Variants in ZFHX3 observed in about 807,000 individuals in gnomAD.
ZFHX3 encodes the protein zinc finger homeobox 3, also known as zinc finger homeobox protein 3.
ZFHX3 carries 42 observed loss-of-function variants against 279.1 expected under a neutral mutation model. The ratio of observed to expected loss-of-function variants is 0.15; its 90% CI spans 0.12 to 0.19. The LOEUF (loss-of-function observed/expected upper bound fraction) is 0.19, where lower values mean the gene tolerates loss of function less well. ZFHX3 is among the 10% of genes least tolerant of loss of function. The pLI, the probability that ZFHX3 is intolerant of heterozygous loss-of-function variation, is 1.00. For synonymous variants in ZFHX3, 2,293 were observed against 1,957.8 expected (o/e 1.17, Z -4.52); for missense variants, 4,981 against 4,754.0 (o/e 1.05, Z -1.40).
intron 7 of ZFHX3, among the ~76,000 whole-genome samples, chr16:73,096,506 G>A (rs914645779): frequency 3.3e-5 from 5 of 151,562 alleles, no homozygotes; most frequent in African/African-American, 9.7e-5. Context: ...GGGTTCAAGC[G>A]ATTCTTGTAC....
chr16:73,554,081 C>T (rs1020457966), intron 2 of ZFHX3, among the ~76,000 whole-genome samples: 1 of 152,106 alleles, frequency 6.6e-6, no homozygotes, highest in Non-Finnish European at 1.5e-5. Context: ...TTTTTCTTTT[C>T]TTCGTCAATG....
chr16:73,719,676 G>A (rs114244633), intron 1 of ZFHX3, among the ~76,000 whole-genome samples: 3,246 of 151,946 alleles, frequency 0.021, 119 homozygotes, highest in African/African-American at 0.075. Flanking sequence ...ATTGCCCATG[G>A]TGGAGTGCAA....
intron 1 of ZFHX3, among the ~76,000 whole-genome samples, chr16:73,878,205 G>T (rs1174448718): frequency 6.6e-6 from 1 of 151,980 alleles, no homozygotes; most frequent in Non-Finnish European, 1.5e-5. Flanking sequence ...TTATTTTTAG[G>T]TTTAATGGTT....
intron 1 of ZFHX3, among the ~76,000 whole-genome samples, chr16:73,771,193 T>C (rs1381913034): frequency 6.6e-6 from 1 of 152,172 alleles, no homozygotes; most frequent in Non-Finnish European, 1.5e-5. Context: ...AATTCAAGCA[T>C]TTTGATGATC....
At chr16:73,149,032 A>G (rs908684912) in intron 5 of ZFHX3, among the ~76,000 whole-genome samples, 10 of 148,826 alleles carry the variant, frequency 6.7e-5, no homozygotes, top group Admixed American at 5.4e-4. Context: ...ATATATATAT[A>G]AAGTGCTATA....
intron 5 of ZFHX3, among the ~76,000 whole-genome samples, chr16:73,185,366 G>A (rs918093412): frequency 1.3e-5 from 2 of 152,134 alleles, no homozygotes; most frequent in Non-Finnish European, 2.9e-5. Context: ...TGAGGTTCAG[G>A]GAGGTTGAGA....
At chr16:73,708,086 G>GGGGGGA (rs1555533798) in intron 1 of ZFHX3, among the ~76,000 whole-genome samples, 1 of 148,722 alleles carries the variant, frequency 6.7e-6, no homozygotes, top group African/African-American at 2.5e-5. Context: ...TGGTGGGGGG[G>GGGGGGA]GGAAGTATTT....
At chr16:73,741,089 T>C (rs914223136) in intron 1 of ZFHX3, among the ~76,000 whole-genome samples, 2 of 138,578 alleles carry the variant, frequency 1.4e-5, no homozygotes, top group Admixed American at 1.7e-4. Flanking sequence ...TGGAGTGCAG[T>C]GACATGATCT....
At chr16:73,741,543 C>CCCAG (rs1171060709) in intron 1 of ZFHX3, among the ~76,000 whole-genome samples, 3 of 152,144 alleles carry the variant, frequency 2.0e-5, no homozygotes, top group South Asian at 2.1e-4. Flanking sequence ...TATTGTACTT[C>CCCAG]AGCCAACTCC....
In ZFHX3 at chr16:72,787,398, T is replaced by C; in HGVS notation, c.10878A>G (p.Ala3626=). The part of the protein sequence containing the change: ...SWPQVVSRAS[A]AKPPSFPPLS... ...GAGGAGGAAAAGAAGGGGGCTTCGC[T>C]GCCGAAGCCCGGGAGACCACTTGCG... The change falls in exon 10 of 10, where the codon GCA becomes GCG. Residue 3626 remains alanine (A), a synonymous_variant. Coordinates refer to ENST00000268489, the MANE Select transcript of ZFHX3 (RefSeq NM_006885.4). 1 of 1,518,964 alleles carries C rather than the reference T, an allele frequency of 6.6e-7. No individual in the cohort carries two copies. Among genetic ancestry groups the C allele is most frequent in the South Asian group, 1.1e-5 (1 of 88,886 alleles). The allele number at this position is 1,518,964 out of a possible 1,614,324, so 94.1% of individuals were successfully genotyped here. A position where few individuals can be genotyped will look rare whatever the true frequency, so the allele number is the denominator to read the frequency against.
intron 1 of ZFHX3, among the ~76,000 whole-genome samples, chr16:72,989,475 CT>C (rs1962990311): frequency 6.8e-6 from 1 of 146,540 alleles, no homozygotes; most frequent in Non-Finnish European, 1.5e-5. Flanking sequence ...GACACTCTGT[CT>C]CAAAAAAAAA....
At chr16:73,635,857 C>A (rs1272480861) in intron 2 of ZFHX3, among the ~76,000 whole-genome samples, 1 of 152,200 alleles carries the variant, frequency 6.6e-6, no homozygotes, top group Non-Finnish European at 1.5e-5. Context: ...CATAAAACTA[C>A]TTGAAAGAGT....
chr16:73,140,691 T>C (rs1417300237), intron 6 of ZFHX3, among the ~76,000 whole-genome samples: 2 of 152,068 alleles, frequency 1.3e-5, no homozygotes, highest in Admixed American at 6.5e-5. Context: ...CCCTGTCTAC[T>C]AAAAATACAA....
intron 4 of ZFHX3, chr16:73,294,052 T>G (rs1471841829): frequency 6.6e-6 from 1 of 151,600 alleles, no homozygotes; most frequent in East Asian, 1.9e-4. Flanking sequence ...ATATCTAGTT[T>G]CTGGAAAAGT....
chr16:72,884,227 G>C (rs1255302346), intron 4 of ZFHX3, among the ~76,000 whole-genome samples: 3 of 152,146 alleles, frequency 2.0e-5, no homozygotes, highest in African/African-American at 4.8e-5. Flanking sequence ...TGCAGTAAAG[G>C]CTGTCACCAA....
intron 1 of ZFHX3, among the ~76,000 whole-genome samples, chr16:73,841,020 T>G (rs577075244): frequency 6.6e-6 from 1 of 152,160 alleles, no homozygotes; most frequent in Non-Finnish European, 1.5e-5. Context: ...AATGCATGTG[T>G]TGACTACCAT....
intron 1 of ZFHX3, among the ~76,000 whole-genome samples, chr16:73,045,855 G>A: frequency 6.7e-6 from 1 of 150,332 alleles, no homozygotes; most frequent in Non-Finnish European, 1.5e-5. Flanking sequence ...AAAGACAGAA[G>A]GTCTCCAAGT....
chr16:73,654,854 C>CTTTTTTTTTTTTTTTTTTTTTTT lies in ZFHX3; in HGVS notation c.-1547+25303_-1547+25325dup, dbSNP rs1382941693. Among the ~76,000 whole-genome samples the CTTTTTTTTTTTTTTTTTTTTTTT allele has an allele frequency of 3.1e-5, 2 of 64,126 alleles. 1 individual carries two copies. The allele number at this position is 64,126 out of a possible 152,430, so 42.1% of individuals were successfully genotyped here. On this transcript the variant is annotated intron_variant, in intron 2 of 17. Coordinates refer to the ZFHX3 transcript ENST00000641206. The stretch of plus-strand genomic sequence containing the variant: ...TCTCTCTTCTAAACGATAGTAATCA[C>CTTTTTTTTTTTTTTTTTTTTTTT]TTTTTTTTTTTTTTTTTTTTTTTTG...
intron 3 of ZFHX3, among the ~76,000 whole-genome samples, chr16:73,347,480 C>T (rs1263220615): frequency 6.6e-6 from 1 of 152,200 alleles, no homozygotes; most frequent in Admixed American, 6.5e-5. Flanking sequence ...CCTCCTTGCC[C>T]AGTGGGTGTC....
Sources: allele counts gnomAD v4.1 joint callset (sites outside exome capture counted in the v4.1 genomes callset), GRCh38; gene constraint gnomAD v4.1.1; transcripts MANE v1.5; gene names NCBI Gene and HGNC (gene_info 2026-07-23, HGNC 2026-07-21).